Variants in STAT4 observed in about 807,000 individuals in gnomAD.
STAT4 encodes signal transducer and activator of transcription 4.
Under a neutral mutation model 110.5 loss-of-function variants are expected in STAT4, and 42 were observed. The observed-to-expected ratio is 0.38, with a 90% CI of 0.30 to 0.49. The LOEUF (loss-of-function observed/expected upper bound fraction) is 0.49. Among genes scored for constraint, STAT4 ranks in the 20% least tolerant of loss-of-function variants. The probability of loss-of-function intolerance (pLI) is 0.95; values close to 1 mark genes in which losing one functional copy is unlikely to be tolerated. For synonymous variants in STAT4, 284 were observed against 302.2 expected (o/e 0.94, Z 0.63); for missense variants, 632 against 887.9 (o/e 0.71, Z 3.66).
rs1697629272 is a variant in STAT4, at chr2:191,086,223, T to G, written c.274-9898A>C. 6.6e-6 allele frequency among the ~76,000 whole-genome samples: 1 copy of G among 152,164 alleles called. No homozygotes were observed. The highest frequency in any genetic ancestry group is 2.4e-5 in the African/African-American group (1 of 41,450). ...GCCCATAAAAGCCCTTTGGAAAAACTGGCCTTCTATCTTGTCCTTCACAGG... is the reference window on the plus strand; with the variant it reads ...GCCCATAAAAGCCCTTTGGAAAAACGGGCCTTCTATCTTGTCCTTCACAGG... On this transcript the variant is annotated intron_variant, in intron 3 of 23. Coordinates refer to ENST00000392320, the MANE Select transcript of STAT4 (RefSeq NM_003151.4). This position sits in a 1 kb window ranked among gnomAD's most constrained non-coding sequence, Gnocchi z 5.5.
chr2:191,115,069 A>G (rs1698537178), intron 3 of STAT4, among the ~76,000 whole-genome samples: 1 of 152,126 alleles, frequency 6.6e-6, no homozygotes, highest in Admixed American at 6.6e-5. Flanking sequence ...TGTTACTTTT[A>G]TAAACAGAAA....
intron 3 of STAT4, among the ~76,000 whole-genome samples, chr2:191,093,627 G>T (rs2125314611): frequency 6.6e-6 from 1 of 152,274 alleles, no homozygotes; most frequent in South Asian, 2.1e-4. Context: ...CACAAAGCCG[G>T]GGAGAAACAA....
chr2:191,042,543 C>T lies in STAT4; in HGVS notation c.1252-1395G>A, dbSNP rs1455770119. ...AAAAAATAGGATTTTATTAAGGAAG[C>T]ATTTTAAAAAAATTATTATTTTGGT... On this transcript the variant is annotated intron_variant, in intron 14 of 23. Coordinates refer to ENST00000392320, the MANE Select transcript of STAT4 (RefSeq NM_003151.4). The surrounding 1 kb of genome is among the most constrained non-coding windows in gnomAD (Gnocchi z 4.2). Among the ~76,000 whole-genome samples the T allele has an allele frequency of 6.6e-6, 1 of 151,934 alleles. No individual in the cohort carries two copies. The highest frequency in any genetic ancestry group is 1.5e-5 in the Non-Finnish European group (1 of 67,998).
In STAT4 at chr2:191,143,909, G is replaced by C. The variant is rs1468391929; in HGVS notation, c.273+2704C>G. 6.6e-6 allele frequency among the ~76,000 whole-genome samples: 1 copy of C among 152,070 alleles called. No individual in the cohort carries two copies. Among genetic ancestry groups the C allele is most frequent in the Non-Finnish European group, 1.5e-5 (1 of 67,996 alleles). ...TAATGGGATTATAGTAGGTTAAAAA[G>C]AAGCATAAAACTCAGGTTTGTTTAG... On this transcript the variant is annotated intron_variant, in intron 3 of 23. Transcript: ENST00000392320. The surrounding 1 kb of genome is among the most constrained non-coding windows in gnomAD (Gnocchi z 5.6).
intron 3 of STAT4, among the ~76,000 whole-genome samples, chr2:191,130,967 T>C (rs1699020543): frequency 6.6e-6 from 1 of 151,488 alleles, no homozygotes; most frequent in South Asian, 2.1e-4. Flanking sequence ...GGATGAAAAT[T>C]AAGTATCTGA....
chr2:191,033,945 T>C lies in STAT4; in HGVS notation c.1681A>G (p.Ile561Val). Residue 561 changes from isoleucine (I) to valine (V), a missense_variant, in exon 19 of 24, where the codon ATT (isoleucine) becomes GTT (valine). Physicochemically the swap from Ile to Val is conservative, Grantham distance 29. This residue lies in a region of STAT4 where 74 missense variants were observed against 154.3 expected (regional missense o/e 0.48). Coordinates refer to ENST00000392320, the MANE Select transcript of STAT4 (RefSeq NM_003151.4). This position sits in a 1 kb window ranked among gnomAD's most constrained non-coding sequence, Gnocchi z 6.9. ...CAAAGGGGAAGAATGTGTTTCTTAA[T>C]TAGATCCAATATTGCTTCAAGCCAT... Reference protein sequence around the residue: ...WTWLEAILDLIKKHILPLWID... With the variant: ...WTWLEAILDLVKKHILPLWID... 1 of 1,612,530 alleles carries C rather than the reference T, an allele frequency of 6.2e-7. No homozygotes were observed. The highest frequency in any genetic ancestry group is 1.7e-4 in the Middle Eastern group (1 of 6,056).
rs1021144768 is a variant in STAT4, at chr2:191,144,973, A to G, written c.273+1640T>C. 6.6e-6 allele frequency among the ~76,000 whole-genome samples: 1 copy of G among 152,170 alleles called. No homozygotes were observed. The highest frequency in any genetic ancestry group is 2.4e-5 in the African/African-American group (1 of 41,464). On this transcript the variant is annotated intron_variant, in intron 3 of 23. Transcript: ENST00000392320. The surrounding 1 kb of genome is among the most constrained non-coding windows in gnomAD (Gnocchi z 4.7). ...TTCTTGGTTCCAAAGACCATGCATC[A>G]TCTATTAATATTTTCCCCATCTGTG...
At chr2:191,088,151 T>A (rs1320154421) in intron 3 of STAT4, among the ~76,000 whole-genome samples, 1 of 152,168 alleles carries the variant, frequency 6.6e-6, no homozygotes, top group East Asian at 1.9e-4. Flanking sequence ...ACAGTGACTG[T>A]CTATATAGAA....
Position 191,138,523 on chromosome 2 carries a change from T to C in STAT4, c.273+8090A>G, listed in dbSNP as rs540366871. Among the ~76,000 whole-genome samples, 8 of 152,234 alleles carry C rather than the reference T, an allele frequency of 5.3e-5. No individual in the cohort carries two copies. The highest frequency in any genetic ancestry group is 1.9e-4 in the African/African-American group (8 of 41,550). ...AATCTAGAGGAGATAGATAAATTCC[T>C]GGAAATATAAAACCCTCCTAAATTA... On this transcript the variant is annotated intron_variant, in intron 3 of 23. Coordinates refer to ENST00000392320, the MANE Select transcript of STAT4 (RefSeq NM_003151.4). This position sits in a 1 kb window ranked among gnomAD's most constrained non-coding sequence, Gnocchi z 4.3.
At chr2:191,134,424 C>T (rs1699124064) in intron 3 of STAT4, among the ~76,000 whole-genome samples, 1 of 152,150 alleles carries the variant, frequency 6.6e-6, no homozygotes, top group Non-Finnish European at 1.5e-5. Flanking sequence ...TGCCAGCATA[C>T]TCCACACTGG....
At chr2:191,106,639 TC>T (rs1170532336) in intron 3 of STAT4, among the ~76,000 whole-genome samples, 1 of 106,022 alleles carries the variant, frequency 9.4e-6, no homozygotes, top group Non-Finnish European at 2.0e-5. Context: ...AGAGTGAGAC[TC>T]CATCTCAAAA....
chr2:191,133,465 G>T (rs1436945601), intron 3 of STAT4, among the ~76,000 whole-genome samples: 2 of 151,270 alleles, frequency 1.3e-5, no homozygotes, highest in Non-Finnish European at 2.9e-5. Flanking sequence ...TGTGTGTGTG[G>T]GTGGGTGGGG....
chr2:191,107,458 A>C lies in STAT4; in HGVS notation c.274-31133T>G, dbSNP rs1215980407. Among the ~76,000 whole-genome samples the C allele has an allele frequency of 6.6e-6, 1 of 152,210 alleles. No homozygotes were observed. Among genetic ancestry groups the C allele is most frequent in the African/African-American group, 2.4e-5 (1 of 41,452 alleles). On this transcript the variant is annotated intron_variant, in intron 3 of 23. Transcript: ENST00000392320. This position sits in a 1 kb window ranked among gnomAD's most constrained non-coding sequence, Gnocchi z 4.2. ...CAACAGCCCTATAGTAATGGGCATA[A>C]TACTATTACTATCCCCATTTTACAC...
intron 3 of STAT4, among the ~76,000 whole-genome samples, chr2:191,118,164 A>G (rs1427361649): frequency 6.6e-6 from 1 of 152,230 alleles, no homozygotes; most frequent in Non-Finnish European, 1.5e-5. Context: ...GGCAATTCTT[A>G]TAAAAAGCCT....
At position 191,036,167 on chromosome 2, in the gene STAT4, T is replaced by A. The variant is rs1343769850; in HGVS notation, c.1567A>T (p.Thr523Ser). Reference protein sequence around the residue: ...DQLHMLAEKLTVQSSYSDGHL... With the variant: ...DQLHMLAEKLSVQSSYSDGHL... ...CTCTCTATCTACCAGCTCTCACCTGTAAGCTTCTCTGCCAGCATATGGAGT... is the reference window on the plus strand; with the variant it reads ...CTCTCTATCTACCAGCTCTCACCTGAAAGCTTCTCTGCCAGCATATGGAGT... The change falls in exon 17 of 24, where the codon ACA (threonine) becomes TCA (serine). Residue 523 changes from threonine (T) to serine (S), a missense_variant. This residue lies in a region of STAT4 where 488 missense variants were observed against 632.8 expected (regional missense o/e 0.77). Coordinates refer to ENST00000392320, the MANE Select transcript of STAT4 (RefSeq NM_003151.4). 6.2e-7 allele frequency: 1 copy of A among 1,614,138 alleles called. No homozygotes were observed. The highest frequency in any genetic ancestry group is 1.7e-5 in the Admixed American group (1 of 60,022).
At position 191,051,255 on chromosome 2, in the gene STAT4, G is replaced by A. The variant is rs1696515174; in HGVS notation, c.1251+3235C>T. Among the ~76,000 whole-genome samples, 1 of 152,224 alleles carries A rather than the reference G, an allele frequency of 6.6e-6. No homozygotes were observed. The highest frequency in any genetic ancestry group is 1.5e-5 in the Non-Finnish European group (1 of 68,042). ...GGAGAAAGATCAGCAGTTGTCTGAA[G>A]TTAGGTATCACGTTTTAGAGCCCAG... On this transcript the variant is annotated intron_variant, in intron 14 of 23. Transcript: ENST00000392320. The surrounding 1 kb of genome is among the most constrained non-coding windows in gnomAD (Gnocchi z 5.6).
chr2:191,091,430 T>G lies in STAT4; in HGVS notation c.274-15105A>C, dbSNP rs1258616820. Among the ~76,000 whole-genome samples the G allele has an allele frequency of 6.6e-6, 1 of 152,184 alleles. No individual in the cohort carries two copies. The highest frequency in any genetic ancestry group is 1.5e-5 in the Non-Finnish European group (1 of 68,028). On this transcript the variant is annotated intron_variant, in intron 3 of 23. Transcript: ENST00000392320. The surrounding 1 kb of genome is among the most constrained non-coding windows in gnomAD (Gnocchi z 5.4). The stretch of plus-strand genomic sequence containing the variant: ...GGGTCACACTGAAAACTTTAAAATC[T>G]GAGAAGACACATTAAAAACATAAAT...
intron 5 of STAT4, among the ~76,000 whole-genome samples, chr2:191,071,776 A>G (rs1286959187): frequency 1.3e-5 from 2 of 152,220 alleles, no homozygotes; most frequent in Non-Finnish European, 2.9e-5. Context: ...GCTTCCTGGA[A>G]TCAGGCCCTG....
chr2:191,133,472 G>C (rs1486342947), intron 3 of STAT4, among the ~76,000 whole-genome samples: 1 of 151,426 alleles, frequency 6.6e-6, no homozygotes, highest in African/African-American at 2.4e-5. Flanking sequence ...GTGGGTGGGT[G>C]GGGGCAGGGG....
Sources: allele counts gnomAD v4.1 joint callset (sites outside exome capture counted in the v4.1 genomes callset), GRCh38; gene constraint gnomAD v4.1.1; regional missense constraint gnomAD v4.1.1; non-coding constraint Gnocchi (gnomAD v3.1); transcripts MANE v1.5; gene names NCBI Gene and HGNC (gene_info 2026-07-23, HGNC 2026-07-21).